Variants in TRIM24 observed in about 807,000 individuals in gnomAD.
TRIM24 encodes tripartite motif containing 24, also known as transcription intermediary factor 1-alpha.
TRIM24 carries 29 observed loss-of-function variants against 123.9 expected under a neutral mutation model. That is an observed-to-expected ratio of 0.23 (90% CI 0.17 to 0.32). TRIM24 has a LOEUF of 0.32. Among genes scored for constraint, TRIM24 ranks in the 10% least tolerant of loss-of-function variants. TRIM24 has a pLI of 1.00. For synonymous variants in TRIM24, 456 were observed against 461.1 expected (o/e 0.99, Z 0.14); for missense variants, 932 against 1,295.3 (o/e 0.72, Z 4.31).
At chr7:138,578,281 A>C (rs1797808161) in intron 14 of TRIM24, among the ~76,000 whole-genome samples, 1 of 152,116 alleles carries the variant, frequency 6.6e-6, no homozygotes, top group South Asian at 2.1e-4. Context: ...TTTAAATAAT[A>C]ATAATAATGA....
chr7:138,472,647 G>A (rs191358263), intron 1 of TRIM24, among the ~76,000 whole-genome samples: 29 of 152,252 alleles, frequency 1.9e-4, no homozygotes, highest in African/African-American at 6.3e-4. Flanking sequence ...AATTAACAAC[G>A]ATACCTATCT....
At chr7:138,491,951 G>GT (rs76404865) in intron 1 of TRIM24, among the ~76,000 whole-genome samples, 30,597 of 147,756 alleles carry the variant, frequency 0.21, 3,584 homozygotes, top group East Asian at 0.46. Flanking sequence ...GTTGGTTGCT[G>GT]TTTTTTTTTT....
At chr7:138,573,039 T>C (rs1407312314) in intron 11 of TRIM24, among the ~76,000 whole-genome samples, 1 of 152,214 alleles carries the variant, frequency 6.6e-6, no homozygotes, top group African/African-American at 2.4e-5. Context: ...TTTCAGAGGA[T>C]CCACTAGGTC....
intron 2 of TRIM24, among the ~76,000 whole-genome samples, chr7:138,512,538 G>T (rs886262785): frequency 6.6e-6 from 1 of 152,168 alleles, no homozygotes; most frequent in Non-Finnish European, 1.5e-5. Flanking sequence ...CTGTGTATCT[G>T]CAGGTTTAAC....
intron 6 of TRIM24, among the ~76,000 whole-genome samples, chr7:138,538,382 CTT>C (rs1179283509): frequency 6.6e-6 from 1 of 152,096 alleles, no homozygotes; most frequent in Admixed American, 6.5e-5. Flanking sequence ...CTAATCTTTC[CTT>C]TTTTGTGTAT....
intron 1 of TRIM24, among the ~76,000 whole-genome samples, chr7:138,489,191 A>G (rs1418269445): frequency 6.6e-6 from 1 of 151,882 alleles, no homozygotes; most frequent in East Asian, 1.9e-4. Flanking sequence ...TTTGCTTTCC[A>G]TTTGCTTGGT....
In TRIM24 at chr7:138,499,904, G is replaced by A. The variant is rs376637638; in HGVS notation, c.365-4386G>A. On this transcript the variant is annotated intron_variant, in intron 1 of 18. Transcript: ENST00000343526. ...TTGTTATTTATGTATGTAAGAGTCA[G>A]TACTATTAGTGGTATTGACAGGACC... 2.6e-5 allele frequency among the ~76,000 whole-genome samples: 4 copies of A among 151,782 alleles called. No homozygotes were observed. In the East Asian group the frequency reaches 5.8e-4, roughly 22 times the overall value.
chr7:138,586,140 C>T lies in TRIM24; in HGVS notation c.*1189C>T, dbSNP rs1356532650. The T allele has an allele frequency of 2.9e-6, 1 of 343,180 alleles. No homozygotes were observed. The highest frequency in any genetic ancestry group is 5.7e-6 in the Non-Finnish European group (1 of 174,260). The allele number at this position is 343,180 out of a possible 1,614,324, so 21.3% of individuals were successfully genotyped here. A position where few individuals can be genotyped will look rare whatever the true frequency, so the allele number is the denominator to read the frequency against. On this transcript the variant is annotated 3_prime_UTR_variant, in exon 19 of 19. Coordinates refer to ENST00000343526, the MANE Select transcript of TRIM24 (RefSeq NM_015905.3). ...AAAAGACTTATCTTCTGAGGACAAGCATATTCTTAATGTGCCAGACCTACC... is the reference window on the plus strand; with the variant it reads ...AAAAGACTTATCTTCTGAGGACAAGTATATTCTTAATGTGCCAGACCTACC...
intron 4 of TRIM24, among the ~76,000 whole-genome samples, chr7:138,519,838 A>G (rs898731165): frequency 6.6e-6 from 1 of 152,114 alleles, no homozygotes; most frequent in Non-Finnish European, 1.5e-5. Flanking sequence ...TTTCCAGTTC[A>G]TTATAGTTCC....
chr7:138,578,920 GTA>G (rs71177997), intron 14 of TRIM24, among the ~76,000 whole-genome samples: 131 of 145,582 alleles, frequency 9.0e-4, no homozygotes, highest in Admixed American at 1.2e-3. Flanking sequence ...CTCCAGTGAG[GTA>G]TATATATATA....
At chr7:138,472,186 AAAAAT>A (rs1795286492) in intron 1 of TRIM24, among the ~76,000 whole-genome samples, 1 of 152,134 alleles carries the variant, frequency 6.6e-6, no homozygotes, top group Admixed American at 6.5e-5. Context: ...AGGGGAGAAA[AAAAAT>A]AAAAAGTTGA....
intron 15 of TRIM24, 115 bp from the exon 16 acceptor site, chr7:138,580,447 T>TGA (rs1797868889): frequency 1.5e-6 from 2 of 1,346,812 alleles, no homozygotes; most frequent in South Asian, 2.9e-5. Flanking sequence ...GTGATTAAAA[T>TGA]TCATGCCAAA....
At chr7:138,567,896 G>A (rs1014595805) in intron 10 of TRIM24, among the ~76,000 whole-genome samples, 1 of 152,040 alleles carries the variant, frequency 6.6e-6, no homozygotes, top group African/African-American at 2.4e-5. Context: ...TTATAATATG[G>A]TATGGATAAC....
intron 2 of TRIM24, among the ~76,000 whole-genome samples, chr7:138,512,771 T>A (rs1449770221): frequency 4.6e-5 from 7 of 152,150 alleles, no homozygotes. Context: ...CTCCTCAGAA[T>A]GTCTCTGAAA....
chr7:138,549,070 G>C (rs571329718), intron 7 of TRIM24, among the ~76,000 whole-genome samples: 1 of 152,276 alleles, frequency 6.6e-6, no homozygotes, highest in African/African-American at 2.4e-5. Flanking sequence ...CAGTAACATA[G>C]TCATTTATTA....
chr7:138,579,164 T>G, intron 14 of TRIM24, 40 bp from the exon 15 acceptor site: 7 of 1,508,798 alleles, frequency 4.6e-6, no homozygotes, highest in Non-Finnish European at 6.2e-6. Flanking sequence ...TGATAAAATT[T>G]TTTTTAAAGC....
At chr7:138,463,086 C>G (rs2116437754) in intron 1 of TRIM24, among the ~76,000 whole-genome samples, 1 of 106,322 alleles carries the variant, frequency 9.4e-6, no homozygotes, top group Middle Eastern at 0.011. Context: ...GGCGGGGTTA[C>G]TCCATGTTGG....
rs182817740 is a variant in TRIM24, at chr7:138,466,247, G to A, written c.364+5335G>A. ...TGACCTCAGGTGATCCACCCGCCTC[G>A]GCCTCCCGAAGTGCTGGGATTACAG... On this transcript the variant is annotated intron_variant, in intron 1 of 18. Coordinates refer to ENST00000343526, the MANE Select transcript of TRIM24 (RefSeq NM_015905.3). Among the ~76,000 whole-genome samples the A allele has an allele frequency of 3.4e-3, 520 of 152,202 alleles. 5 individuals carry two copies. The highest frequency in any genetic ancestry group is 0.012 in the African/African-American group (492 of 41,548).
intron 5 of TRIM24, among the ~76,000 whole-genome samples, chr7:138,527,067 A>G (rs1796625527): frequency 6.6e-6 from 1 of 151,764 alleles, no homozygotes; most frequent in Admixed American, 6.6e-5. Flanking sequence ...ACCGCTGTCA[A>G]TTTTTTCCAC....
Sources: allele counts gnomAD v4.1 joint callset (sites outside exome capture counted in the v4.1 genomes callset), GRCh38; gene constraint gnomAD v4.1.1; transcripts MANE v1.5; gene names NCBI Gene and HGNC (gene_info 2026-07-23, HGNC 2026-07-21).